SCHIP1: variants seen among roughly 807,000 people sequenced by gnomAD.
The protein encoded by SCHIP1 is schwannomin interacting protein 1.
SCHIP1 carries 8 observed loss-of-function variants against 29.7 expected under a neutral mutation model. The ratio of observed to expected loss-of-function variants is 0.27; its 90% CI spans 0.16 to 0.49. The LOEUF is 0.49. Ranked by LOEUF, SCHIP1 falls within the 20% of genes least tolerant of loss-of-function variation. The pLI is 0.99. For missense variants in SCHIP1, 193 were observed against 294.6 expected, an observed-to-expected ratio of 0.66 and a Z score of 2.52; for synonymous variants, 76 against 94.9, an observed-to-expected ratio of 0.80 and a Z score of 1.16.
the SCHIP1 span, among the ~76,000 whole-genome samples, chr3:159,728,455 A>G: frequency 6.6e-6 from 1 of 152,174 alleles, no homozygotes; most frequent in Admixed American, 6.5e-5. Context: ...CTCACTGCCA[A>G]CTTCCAGTAA....
the SCHIP1 span, among the ~76,000 whole-genome samples, chr3:159,730,946 T>C: frequency 3.3e-5 from 5 of 152,360 alleles, no homozygotes; most frequent in Admixed American, 2.0e-4. Flanking sequence ...GCTTGTTCCA[T>C]GCTGGGAGTT....
the SCHIP1 span, among the ~76,000 whole-genome samples, chr3:159,499,576 A>G: frequency 6.6e-6 from 1 of 152,264 alleles, no homozygotes; most frequent in Non-Finnish European, 1.5e-5. Context: ...TCAGGTATTC[A>G]TAACTATTAT....
the SCHIP1 span, among the ~76,000 whole-genome samples, chr3:159,361,419 T>C: frequency 2.6e-5 from 4 of 152,282 alleles, 1 homozygote; most frequent in South Asian, 8.3e-4. Flanking sequence ...AAGGTCACCT[T>C]GGCTGAAGCA....
chr3:159,842,028 C>T (rs1744272950), intron 1 of SCHIP1, among the ~76,000 whole-genome samples: 1 of 152,076 alleles, frequency 6.6e-6, no homozygotes, highest in African/African-American at 2.4e-5. Flanking sequence ...CAGCTGGCAC[C>T]ACATGCAACT....
the SCHIP1 span, among the ~76,000 whole-genome samples, chr3:159,359,021 T>C: frequency 2.1e-5 from 3 of 143,634 alleles, no homozygotes; most frequent in Non-Finnish European, 3.0e-5. Context: ...TCCGCCTCCC[T>C]GGTTCAAGCG....
the SCHIP1 span, among the ~76,000 whole-genome samples, chr3:159,831,829 T>C: frequency 3.9e-5 from 6 of 152,190 alleles, no homozygotes; most frequent in Non-Finnish European, 5.9e-5. Flanking sequence ...TTCCATTTAA[T>C]AGTTTCAAAC....
chr3:159,702,237 T>C, the SCHIP1 span, among the ~76,000 whole-genome samples: 1 of 152,200 alleles, frequency 6.6e-6, no homozygotes, highest in African/African-American at 2.4e-5. Flanking sequence ...CCTGAATCAC[T>C]GCTTCATCAC....
At chr3:159,749,223 T>C in the SCHIP1 span, among the ~76,000 whole-genome samples, 2 of 150,406 alleles carry the variant, frequency 1.3e-5, no homozygotes, top group African/African-American at 4.9e-5. Flanking sequence ...TAGCGGGGAG[T>C]TGGGAGGCCA....
the SCHIP1 span, among the ~76,000 whole-genome samples, chr3:159,423,938 C>T: frequency 6.6e-6 from 1 of 151,978 alleles, no homozygotes; most frequent in Non-Finnish European, 1.5e-5. Flanking sequence ...CTGCTGATAC[C>T]CAGGCAAACA....
the SCHIP1 span, among the ~76,000 whole-genome samples, chr3:159,520,373 A>G: frequency 2.0e-5 from 3 of 152,184 alleles, no homozygotes; most frequent in Admixed American, 6.5e-5. Context: ...GGCCTAGCGT[A>G]TCCATAAAGC....
chr3:159,678,119 CTGTT>C, the SCHIP1 span, among the ~76,000 whole-genome samples: 1 of 152,218 alleles, frequency 6.6e-6, no homozygotes, highest in Non-Finnish European at 1.5e-5. Flanking sequence ...TCTTATCTGT[CTGTT>C]GTGTTTATTT....
At chr3:159,866,415 G>T in intron 2 of SCHIP1, 134 bp downstream of exon 3, 1 of 815,240 alleles carries the variant, frequency 1.2e-6, no homozygotes. Context: ...ATCTTTATTT[G>T]GGTTTTAGAC....
the SCHIP1 span, among the ~76,000 whole-genome samples, chr3:159,468,777 A>ATATATATATTTT: frequency 1.6e-5 from 2 of 127,348 alleles, no homozygotes; most frequent in African/African-American, 6.1e-5. Flanking sequence ...ATATATATAT[A>ATATATATATTTT]TTTTTTTTAG....
At chr3:159,378,952 C>T in the SCHIP1 span, among the ~76,000 whole-genome samples, 1 of 152,204 alleles carries the variant, frequency 6.6e-6, no homozygotes, top group African/African-American at 2.4e-5. Context: ...ACACAATGCA[C>T]AGGAGCACAA....
chr3:159,748,484 T>A, the SCHIP1 span, among the ~76,000 whole-genome samples: 1 of 152,360 alleles, frequency 6.6e-6, no homozygotes, highest in East Asian at 1.9e-4. Flanking sequence ...AACATGATAA[T>A]GACTTGGCCT....
chr3:159,821,082 G>A, the SCHIP1 span, among the ~76,000 whole-genome samples: 1 of 152,198 alleles, frequency 6.6e-6, no homozygotes, highest in South Asian at 2.1e-4. Flanking sequence ...AGAAATGGGG[G>A]ATGAGCAAAG....
the SCHIP1 span, among the ~76,000 whole-genome samples, chr3:159,677,804 A>G: frequency 2.0e-5 from 3 of 152,084 alleles, no homozygotes; most frequent in African/African-American, 7.2e-5. Context: ...GAACACAGAG[A>G]ATTCTCACTA....
chr3:159,569,533 T>C, the SCHIP1 span, among the ~76,000 whole-genome samples: 3 of 152,150 alleles, frequency 2.0e-5, no homozygotes, highest in Non-Finnish European at 4.4e-5. Flanking sequence ...TTCCATGGTG[T>C]ATTATGTGCC....
chr3:159,552,032 CTTTTTTTTTTTTTT>C, the SCHIP1 span, among the ~76,000 whole-genome samples: 2 of 103,554 alleles, frequency 1.9e-5, no homozygotes, highest in Non-Finnish European at 3.9e-5. Context: ...TGCCACATTG[CTTTTTTTTTTTTTT>C]TTTTTTTTTT....
Sources: gnomAD v4.1 joint callset for allele counts (sites outside exome capture counted in the v4.1 genomes callset) on GRCh38, gnomAD v4.1.1 for gene constraint, MANE v1.5 for transcripts, NCBI Gene and HGNC (gene_info 2026-07-23, HGNC 2026-07-21) for gene names.